The following TEX9 variants were observed in gnomAD, a reference collection of about 807,000 sequenced individuals.
The protein encoded by TEX9 is testis-expressed protein 9.
Under a neutral mutation model 59.6 loss-of-function variants are expected in TEX9, and 74 were observed. The observed-to-expected ratio is 1.24, with a 90% CI of 1.03 to 1.51. The LOEUF (loss-of-function observed/expected upper bound fraction) is 1.51, where lower values mean the gene tolerates loss of function less well. Ranked by LOEUF, TEX9 falls within the 40% of genes most tolerant of loss-of-function variation. TEX9 has a pLI of 0.00. For synonymous variants in TEX9, 186 were observed against 152.2 expected, an observed-to-expected ratio of 1.22 and a Z score of -1.64; for missense variants, 522 against 447.8, an observed-to-expected ratio of 1.17 and a Z score of -1.49.
At chr15:56,346,360 G>C (rs1227452951) in intron 1 of TEX9, among the ~76,000 whole-genome samples, 1 of 152,178 alleles carries the variant, frequency 6.6e-6, no homozygotes, top group Non-Finnish European at 1.5e-5. Flanking sequence ...GCTAAGATGG[G>C]TGTCTGGCTC....
At chr15:56,322,092 G>A (rs2045916359) in intron 1 of TEX9, among the ~76,000 whole-genome samples, 1 of 151,996 alleles carries the variant, frequency 6.6e-6, no homozygotes, top group South Asian at 2.1e-4. Context: ...TAAAAATAAA[G>A]GGAACCATGT....
intron 1 of TEX9, among the ~76,000 whole-genome samples, chr15:56,310,956 T>G (rs147002825): frequency 7.2e-4 from 110 of 152,160 alleles, no homozygotes; most frequent in African/African-American, 2.4e-3. Context: ...TGGAAAGTCA[T>G]AGGGAAGGGC....
chr15:56,365,981 TA>T, intron 2 of TEX9: 1 of 924,976 alleles, frequency 1.1e-6, no homozygotes, highest in Non-Finnish European at 1.4e-6. Flanking sequence ...TTGCCACGAA[TA>T]GTTAGTTCAC....
At chr15:56,426,587 GTGTATA>G (rs2050265632) in intron 10 of TEX9, among the ~76,000 whole-genome samples, 3 of 8,210 alleles carry the variant, frequency 3.7e-4, no homozygotes, top group Non-Finnish European at 8.1e-4. Context: ...TTTTGAAAAG[GTGTATA>G]TATATATATA....
upstream of TEX9, among the ~76,000 whole-genome samples, chr15:56,361,784 A>G (rs2046794017): frequency 6.6e-6 from 1 of 152,230 alleles, no homozygotes; most frequent in Non-Finnish European, 1.5e-5. Context: ...CTACATGATT[A>G]TAGAGGCAGA....
intron 3 of TEX9, among the ~76,000 whole-genome samples, chr15:56,376,232 TAAA>T (rs1161142648): frequency 9.9e-5 from 15 of 151,762 alleles, no homozygotes; most frequent in Admixed American, 9.9e-4. Flanking sequence ...AATAATAAAA[TAAA>T]AAAAAGATAT....
At chr15:56,349,735 G>A (rs1369784864) in intron 1 of TEX9, among the ~76,000 whole-genome samples, 2 of 149,978 alleles carry the variant, frequency 1.3e-5, no homozygotes, top group African/African-American at 2.5e-5. Context: ...ATATACACAC[G>A]TGTATATATG....
At chr15:56,385,842 C>T (rs1210766378) in intron 4 of TEX9, among the ~76,000 whole-genome samples, 2 of 152,002 alleles carry the variant, frequency 1.3e-5, no homozygotes, top group Non-Finnish European at 2.9e-5. Flanking sequence ...AAAAGAGAAG[C>T]TTATTACTGA....
intron 2 of TEX9, chr15:56,366,013 G>T (rs1437109298): frequency 4.7e-6 from 3 of 642,886 alleles, no homozygotes; most frequent in Non-Finnish European, 6.2e-6. Context: ...AGGTTATTTC[G>T]CTTAATATCA....
chr15:56,394,357 T>C (rs2048355182), intron 8 of TEX9, 110 bp downstream of exon 8: 8 of 996,358 alleles, frequency 8.0e-6, no homozygotes, highest in Non-Finnish European at 1.0e-5. Context: ...TAGTTAAATT[T>C]TGAATTCAAA....
chr15:56,247,005 A>G (rs548117472), intron 1 of TEX9, among the ~76,000 whole-genome samples: 33 of 152,202 alleles, frequency 2.2e-4, no homozygotes, highest in Non-Finnish European at 4.9e-4. Flanking sequence ...CTCAAAGGAA[A>G]TGACTATTTT....
At chr15:56,397,098 G>A (rs1370013985) in intron 9 of TEX9, 1 of 155,034 alleles carries the variant, frequency 6.5e-6, no homozygotes, top group Admixed American at 6.5e-5. Flanking sequence ...CTAGAGACTT[G>A]TTGAATGGCT....
chr15:56,300,530 G>A (rs1363157293), intron 1 of TEX9, among the ~76,000 whole-genome samples: 1 of 151,360 alleles, frequency 6.6e-6, no homozygotes, highest in Non-Finnish European at 1.5e-5. Context: ...AGAGCCCTTG[G>A]ACCTTGAGGG....
the TEX9 span, chr15:56,456,634 T>A: frequency 9.7e-7 from 1 of 1,029,858 alleles, no homozygotes; most frequent in Non-Finnish European, 1.4e-6. Context: ...CAATTGATGA[T>A]GTTTTATTTT....
chr15:56,316,192 A>G (rs2465971), intron 1 of TEX9, among the ~76,000 whole-genome samples: 129,919 of 143,342 alleles, frequency 0.91, 60,105 homozygotes, highest in Non-Finnish European at 1. Context: ...CGTTGCTGGT[A>G]AGGAACTGCG....
At chr15:56,342,300 A>T (rs2046386693) in intron 1 of TEX9, among the ~76,000 whole-genome samples, 1 of 152,180 alleles carries the variant, frequency 6.6e-6, no homozygotes, top group Non-Finnish European at 1.5e-5. Context: ...CAGATTAGGA[A>T]GCTAAGGCTC....
At chr15:56,432,781 T>C (rs1178262047) in intron 12 of TEX9, among the ~76,000 whole-genome samples, 1 of 152,168 alleles carries the variant, frequency 6.6e-6, no homozygotes, top group Non-Finnish European at 1.5e-5. Context: ...CAATCTGAAA[T>C]ATAACAGCAC....
chr15:56,281,649 A>G (rs575736224), intron 1 of TEX9, among the ~76,000 whole-genome samples: 38 of 152,352 alleles, frequency 2.5e-4, no homozygotes, highest in Non-Finnish European at 2.8e-4. Context: ...TCAGATAGTC[A>G]AAATAATTGA....
intron 1 of TEX9, among the ~76,000 whole-genome samples, chr15:56,322,489 C>T (rs2045924592): frequency 6.6e-6 from 1 of 152,062 alleles, no homozygotes; most frequent in South Asian, 2.1e-4. Context: ...TTCTACTGCC[C>T]AACCAGAATC....
Sources: gnomAD v4.1 joint callset for allele counts (sites outside exome capture counted in the v4.1 genomes callset) on GRCh38, gnomAD v4.1.1 for gene constraint, MANE v1.5 for transcripts, NCBI Gene and HGNC (gene_info 2026-07-23, HGNC 2026-07-21) for gene names.